The following SORCS3 variants were observed in gnomAD, a reference collection of about 807,000 sequenced individuals.
SORCS3 encodes sortilin related VPS10 domain containing receptor 3, also known as VPS10 domain-containing receptor SorCS3.
SORCS3 carries 57 observed loss-of-function variants against 146.3 expected under a neutral mutation model. That is an observed-to-expected ratio of 0.39 (90% CI 0.31 to 0.49). The LOEUF (loss-of-function observed/expected upper bound fraction) is 0.49, where lower values mean the gene tolerates loss of function less well. Ranked by LOEUF, SORCS3 falls within the 20% of genes least tolerant of loss-of-function variation. SORCS3 has a pLI of 0.92. For missense variants in SORCS3, 1,341 were observed against 1,575.5 expected (o/e 0.85, Z 2.52); for synonymous variants, 653 against 618.5 (o/e 1.06, Z -0.83).
At chr10:104,915,807 C>T (rs2133600217) in intron 2 of SORCS3, 26 bp from the exon 3 acceptor site, 2 of 1,598,692 alleles carry the variant, frequency 1.3e-6, no homozygotes, top group Non-Finnish European at 1.7e-6. Flanking sequence ...TGATCTCTCC[C>T]TCTCTGTTTT....
At chr10:104,771,277 A>G (rs1457197685) in intron 1 of SORCS3, among the ~76,000 whole-genome samples, 2 of 152,240 alleles carry the variant, frequency 1.3e-5, no homozygotes, top group African/African-American at 4.8e-5. Context: ...GTGTTGTGTC[A>G]GATGCTCTCT....
intron 1 of SORCS3, among the ~76,000 whole-genome samples, chr10:104,718,431 C>A (rs562918301): frequency 5.7e-4 from 87 of 152,272 alleles, no homozygotes; most frequent in African/African-American, 1.9e-3. Context: ...GACATAATCA[C>A]CTCTTAAAGG....
At chr10:104,771,050 A>G (rs903209910) in intron 1 of SORCS3, among the ~76,000 whole-genome samples, 2 of 152,126 alleles carry the variant, frequency 1.3e-5, no homozygotes, top group Non-Finnish European at 2.9e-5. Context: ...ACTGGCCACA[A>G]TCCAAATGCT....
At chr10:104,886,554 T>C (rs1023510239) in intron 2 of SORCS3, among the ~76,000 whole-genome samples, 12 of 127,842 alleles carry the variant, frequency 9.4e-5, no homozygotes, top group African/African-American at 3.7e-4. Flanking sequence ...TATAACTCTA[T>C]CATCTATCTA....
At chr10:104,886,357 G>A (rs908821014) in intron 2 of SORCS3, among the ~76,000 whole-genome samples, 6 of 151,960 alleles carry the variant, frequency 3.9e-5, no homozygotes, top group Non-Finnish European at 8.8e-5. Context: ...CCTGAAAATT[G>A]CATTTGAATA....
intron 3 of SORCS3, among the ~76,000 whole-genome samples, chr10:104,950,927 A>C (rs2019422648): frequency 6.6e-6 from 1 of 152,194 alleles, no homozygotes; most frequent in South Asian, 2.1e-4. Context: ...TTATTTCAGC[A>C]AAGTGATTTT....
intron 7 of SORCS3, among the ~76,000 whole-genome samples, chr10:105,120,862 T>C (rs2133765003): frequency 6.6e-6 from 1 of 152,296 alleles, no homozygotes; most frequent in East Asian, 1.9e-4. Context: ...GGCTGTGTTA[T>C]TGTGGTTTGG....
chr10:104,681,011 C>T (rs1386021299), intron 1 of SORCS3, among the ~76,000 whole-genome samples: 1 of 152,226 alleles, frequency 6.6e-6, no homozygotes, highest in Non-Finnish European at 1.5e-5. Context: ...TCCCTAGGAC[C>T]CCACCTTCCG....
chr10:104,938,199 A>G (rs961032602), intron 3 of SORCS3, among the ~76,000 whole-genome samples: 2 of 152,182 alleles, frequency 1.3e-5, no homozygotes, highest in African/African-American at 4.8e-5. Flanking sequence ...TGTGGTTCTC[A>G]GTAGTTAGCT....
Position 105,264,853 on chromosome 10 carries a change from G to A in SORCS3, c.*1479G>A, listed in dbSNP as rs2056982478. 1 of 152,598 alleles carries A rather than the reference G, an allele frequency of 6.6e-6. No homozygotes were observed. The highest frequency in any genetic ancestry group is 1.9e-4 in the East Asian group (1 of 5,188). The allele number at this position is 152,598 out of a possible 1,614,324, so 9.5% of individuals were successfully genotyped here. A position where few individuals can be genotyped will look rare whatever the true frequency, so the allele number is the denominator to read the frequency against. ...GTTTTTATTTTCAGGCTTAGCCTGA[G>A]CACACTTATTTTTGAAAATGATATA... On this transcript the variant is annotated 3_prime_UTR_variant, in exon 27 of 27. Transcript: ENST00000369701.
intron 5 of SORCS3, among the ~76,000 whole-genome samples, chr10:105,086,743 C>T (rs2055663306): frequency 6.6e-6 from 1 of 152,190 alleles, no homozygotes; most frequent in Non-Finnish European, 1.5e-5. Flanking sequence ...AACTGAGAAA[C>T]TTCTAATCCT....
intron 19 of SORCS3, among the ~76,000 whole-genome samples, chr10:105,218,344 C>T (rs1246866183): frequency 6.6e-6 from 1 of 152,160 alleles, no homozygotes; most frequent in East Asian, 1.9e-4. Flanking sequence ...AGTAAACACA[C>T]AAAAAACACC....
chr10:105,018,228 G>A (rs1418485552), intron 4 of SORCS3, among the ~76,000 whole-genome samples: 1 of 152,214 alleles, frequency 6.6e-6, no homozygotes, highest in Admixed American at 6.5e-5. Flanking sequence ...CCTCAGAGGG[G>A]CAGGATGGCT....
chr10:104,921,804 A>G (rs1298892832), intron 3 of SORCS3, among the ~76,000 whole-genome samples: 4 of 152,064 alleles, frequency 2.6e-5, no homozygotes, highest in African/African-American at 9.7e-5. Context: ...TGGTGCCACT[A>G]CCACAGGTAT....
chr10:104,989,360 G>A (rs117254046), intron 4 of SORCS3, among the ~76,000 whole-genome samples: 3,904 of 152,238 alleles, frequency 0.026, 91 homozygotes, highest in Non-Finnish European at 0.037. Context: ...ATAGAACATT[G>A]ACTTCTTACT....
chr10:105,005,586 C>T (rs376971292), intron 4 of SORCS3, among the ~76,000 whole-genome samples: 16 of 152,158 alleles, frequency 1.1e-4, no homozygotes, highest in East Asian at 3.9e-4. Flanking sequence ...GATGGAACAC[C>T]GTTCTCCTTT....
At chr10:104,824,631 G>A (rs1427548523) in intron 1 of SORCS3, among the ~76,000 whole-genome samples, 1 of 152,184 alleles carries the variant, frequency 6.6e-6, no homozygotes, top group Non-Finnish European at 1.5e-5. Flanking sequence ...GCTGTCCCAG[G>A]TGCTGGAGAT....
At chr10:104,791,258 C>T (rs1267257170) in intron 1 of SORCS3, among the ~76,000 whole-genome samples, 2 of 152,190 alleles carry the variant, frequency 1.3e-5, no homozygotes, top group African/African-American at 2.4e-5. Context: ...ACCCTGGGCT[C>T]AGATGGCTGG....
At chr10:104,934,286 G>A (rs2019237941) in intron 3 of SORCS3, among the ~76,000 whole-genome samples, 1 of 152,186 alleles carries the variant, frequency 6.6e-6, no homozygotes, top group Admixed American at 6.5e-5. Context: ...CTACAGGTCT[G>A]GGAAAGGTTA....
Sources: gnomAD v4.1 joint callset for allele counts (sites outside exome capture counted in the v4.1 genomes callset) on GRCh38, gnomAD v4.1.1 for gene constraint, MANE v1.5 for transcripts, NCBI Gene and HGNC (gene_info 2026-07-23, HGNC 2026-07-21) for gene names.